Variants in OTUD7B observed in about 807,000 individuals in gnomAD.
The protein encoded by OTUD7B is OTU deubiquitinase 7B, also known as OTU domain-containing protein 7B.
In OTUD7B, 34 loss-of-function variants were observed where a neutral mutation model predicts 82.2. The ratio of observed to expected loss-of-function variants is 0.41; its 90% CI spans 0.31 to 0.55. The LOEUF is 0.55. Among genes scored for constraint, OTUD7B ranks in the 20% least tolerant of loss-of-function variants. The pLI is 0.20. For missense variants in OTUD7B, 944 were observed against 1,062.1 expected (o/e 0.89, Z 1.55); for synonymous variants, 398 against 402.7 (o/e 0.99, Z 0.14).
chr1:149,990,989 C>T (rs1285025691), intron 1 of OTUD7B, among the ~76,000 whole-genome samples: 1 of 5,456 alleles, frequency 1.8e-4, no homozygotes, highest in South Asian at 0.015. Context: ...GAAACTCCGT[C>T]GCAAAAAAAA....
At chr1:149,974,659 C>A (rs1291506375) in intron 2 of OTUD7B, among the ~76,000 whole-genome samples, 1 of 147,658 alleles carries the variant, frequency 6.8e-6, no homozygotes, top group Non-Finnish European at 1.5e-5. Flanking sequence ...AAGAGATTCT[C>A]CTGCCTCAGC....
chr1:150,007,122 TAGTC>T (rs1456536031), intron 1 of OTUD7B, among the ~76,000 whole-genome samples: 1 of 152,178 alleles, frequency 6.6e-6, no homozygotes, highest in Admixed American at 6.5e-5. Flanking sequence ...ACTCACAACT[TAGTC>T]ATTCATATCA....
chr1:149,970,678 T>C (rs1649856340), intron 3 of OTUD7B, among the ~76,000 whole-genome samples: 1 of 152,176 alleles, frequency 6.6e-6, no homozygotes, highest in African/African-American at 2.4e-5. Flanking sequence ...AATTGCTAGA[T>C]ATGAAATTGC....
the OTUD7B span, among the ~76,000 whole-genome samples, chr1:150,035,144 CA>C: frequency 4.1e-5 from 6 of 146,934 alleles, no homozygotes; most frequent in African/African-American, 2.5e-5. Context: ...AACTTCATCT[CA>C]AAAAAAAAAA....
At position 149,949,699 on chromosome 1, in the gene OTUD7B, C is replaced by T. The variant is rs782266145; in HGVS notation, c.1053G>A (p.Val351=). The change falls in exon 9 of 12, where the codon GTG becomes GTA. Residue 351 remains valine, a synonymous_variant. Coordinates refer to ENST00000581312, the MANE Select transcript of OTUD7B (RefSeq NM_020205.4). The stretch of plus-strand genomic sequence containing the variant: ...AAAAGTGGGCCTGATCATAGGCGAG[C>T]ACCAGAGGGGAGCGGTGACACTGGC... ...PASQCHRSPL[V]LAYDQAHFSA... 2 of 1,614,164 alleles carry T rather than the reference C, an allele frequency of 1.2e-6. No homozygotes were observed. Among genetic ancestry groups the T allele is most frequent in the African/African-American group, 1.3e-5 (1 of 75,024 alleles).
the OTUD7B span, among the ~76,000 whole-genome samples, chr1:150,044,410 G>A: frequency 1.3e-5 from 2 of 151,896 alleles, no homozygotes; most frequent in Non-Finnish European, 2.9e-5. Flanking sequence ...ATTTCACCAT[G>A]TTGGCCAGGC....
intron 6 of OTUD7B, chr1:149,963,423 G>A (rs781990892): frequency 3.9e-5 from 6 of 152,246 alleles, no homozygotes; most frequent in Non-Finnish European, 7.3e-5. Flanking sequence ...GGGCCAGGTA[G>A]TCAGTAAGTA....
At chr1:150,003,408 A>G (rs1248983802) in intron 1 of OTUD7B, among the ~76,000 whole-genome samples, 2 of 152,142 alleles carry the variant, frequency 1.3e-5, no homozygotes, top group Non-Finnish European at 2.9e-5. Context: ...GTATTTTCTC[A>G]GACTGGAATG....
At chr1:149,983,267 T>C (rs1650910746) in intron 1 of OTUD7B, among the ~76,000 whole-genome samples, 1 of 152,106 alleles carries the variant, frequency 6.6e-6, no homozygotes, top group South Asian at 2.1e-4. Context: ...ACTATGCTCA[T>C]GAGTAAAAAC....
the OTUD7B span, among the ~76,000 whole-genome samples, chr1:150,049,446 A>C: frequency 6.6e-5 from 10 of 152,124 alleles, no homozygotes; most frequent in African/African-American, 2.4e-4. Flanking sequence ...AAAAAACCCC[A>C]ATTCACTATG....
intron 2 of OTUD7B, among the ~76,000 whole-genome samples, chr1:149,976,633 A>AAAAAT (rs1176193849): frequency 0.028 from 2,832 of 102,492 alleles, 104 homozygotes; most frequent in Non-Finnish European, 0.033. Flanking sequence ...AAAAAAAAAT[A>AAAAAT]CTAGAACATT....
chr1:150,030,012 ACT>A, the OTUD7B span, among the ~76,000 whole-genome samples: 1 of 152,024 alleles, frequency 6.6e-6, no homozygotes, highest in African/African-American at 2.4e-5. Flanking sequence ...TAATTCATGA[ACT>A]CCTAATGTTG....
chr1:149,976,438 C>T (rs1164355547), intron 2 of OTUD7B, among the ~76,000 whole-genome samples: 1 of 150,752 alleles, frequency 6.6e-6, no homozygotes. Flanking sequence ...ATGGAGAAAC[C>T]CCATCTCTAC....
the OTUD7B span, among the ~76,000 whole-genome samples, chr1:150,035,660 G>A: frequency 6.6e-6 from 1 of 152,148 alleles, no homozygotes; most frequent in Non-Finnish European, 1.5e-5. Context: ...TTAGCATTGT[G>A]TGCCAAGAAC....
chr1:150,066,203 A>T, the OTUD7B span, among the ~76,000 whole-genome samples: 1 of 152,244 alleles, frequency 6.6e-6, no homozygotes, highest in Non-Finnish European at 1.5e-5. This position sits in a 1 kb window ranked among gnomAD's most constrained non-coding sequence, Gnocchi z 4.6. Flanking sequence ...TTCAAATATC[A>T]GTAATTTACA....
At chr1:149,982,638 A>G (rs1335221023) in intron 1 of OTUD7B, among the ~76,000 whole-genome samples, 1 of 151,750 alleles carries the variant, frequency 6.6e-6, no homozygotes, top group Non-Finnish European at 1.5e-5. Flanking sequence ...CATCTTCCTG[A>G]GCAATTTCAG....
At chr1:150,060,738 C>T in the OTUD7B span, among the ~76,000 whole-genome samples, 1 of 152,142 alleles carries the variant, frequency 6.6e-6, no homozygotes, top group Non-Finnish European at 1.5e-5. Flanking sequence ...AGGCAAAAAG[C>T]TATTATTAAA....
the OTUD7B span, among the ~76,000 whole-genome samples, chr1:150,036,354 T>C: frequency 6.7e-6 from 1 of 149,774 alleles, no homozygotes; most frequent in African/African-American, 2.5e-5. Flanking sequence ...TCCACCTCCC[T>C]GCTCAAGTGA....
Position 149,965,806 on chromosome 1 carries a change from C to T in OTUD7B, c.575G>A (p.Gly192Glu). The change falls in exon 5 of 12, where the codon GGG becomes GAG. Residue 192 changes from glycine (G) to glutamate (E), a missense_variant. Gly to Glu is a moderately conservative substitution (Grantham distance 98). Transcript: ENST00000581312. ...GGAGGCTGCATGCAGGAGGCAGTTC[C>T]CATCTCCAGTAGTTGCCAAAGGAAG... The part of the protein sequence containing the change: ...RLLPLATTGD[G>E]NCLLHAASLG... The T allele has an allele frequency of 6.2e-7, 1 of 1,614,004 alleles. No homozygotes were observed. The highest frequency in any genetic ancestry group is 8.5e-7 in the Non-Finnish European group (1 of 1,179,928).
Sources: allele counts gnomAD v4.1 joint callset (sites outside exome capture counted in the v4.1 genomes callset), GRCh38; gene constraint gnomAD v4.1.1; non-coding constraint Gnocchi (gnomAD v3.1); transcripts MANE v1.5; gene names NCBI Gene and HGNC (gene_info 2026-07-23, HGNC 2026-07-21).